BCL11B: variants seen among roughly 807,000 people sequenced by gnomAD.
BCL11B encodes the protein BCL11 transcription factor B.
Under a neutral mutation model 49.9 loss-of-function variants are expected in BCL11B, and 8 were observed. The observed-to-expected ratio is 0.16, with a 90% confidence interval of 0.09 to 0.29. The LOEUF (loss-of-function observed/expected upper bound fraction) is 0.29, where lower values mean the gene tolerates loss of function less well. Among genes scored for constraint, BCL11B ranks in the 10% least tolerant of loss-of-function variants. The pLI is 1.00. For synonymous variants in BCL11B, 739 were observed against 637.4 expected (o/e 1.16, Z -2.40); for missense variants, 1,006 against 1,351.0 (o/e 0.74, Z 4.00).
At position 99,173,719 on chromosome 14, in the gene BCL11B, A is replaced by ACCAC. The variant is rs987687617; in HGVS notation, c.*428_*431dup. 1 of 234,768 alleles carries ACCAC rather than the reference A, an allele frequency of 4.3e-6. No individual in the cohort carries two copies. Among genetic ancestry groups the ACCAC allele is most frequent in the African/African-American group, 2.2e-5 (1 of 45,052 alleles). The allele number at this position is 234,768 out of a possible 1,614,324, so 14.5% of individuals were successfully genotyped here. A position where few individuals can be genotyped will look rare whatever the true frequency, so the allele number is the denominator to read the frequency against. On this transcript the variant is annotated 3_prime_UTR_variant, in exon 4 of 4. Transcript: ENST00000357195. ...TTAGCTTAAATTTCAAAAAAGCAGC[A>ACCAC]CCACCCCTCCCCCCAAATTATAATT... is the stretch of plus-strand genomic sequence containing the variant.
At chr14:99,215,380 T>C (rs1381066087) in intron 3 of BCL11B, among the ~76,000 whole-genome samples, 1 of 152,252 alleles carries the variant, frequency 6.6e-6, no homozygotes, top group African/African-American at 2.4e-5. Flanking sequence ...CCGCGGCCCC[T>C]GCCAAAGAAA....
rs1416438177 is a variant in BCL11B at position 99,175,246 on chromosome 14, C to T, written c.1590G>A (p.Pro530=). The T allele has an allele frequency of 9.7e-6, 15 of 1,546,226 alleles. No homozygotes were observed. The highest frequency in any genetic ancestry group is 2.4e-5 in the East Asian group (1 of 41,150). Residue 530 remains proline (P), a synonymous_variant, in exon 4 of 4, where the codon CCG becomes CCA. Transcript: ENST00000357195. ...CCTCCTCCTCCTCGTCCTCCTCCTC[C>T]GGCTCGTGGCCCAGCGACGGGTCGC... ...HESDPSLGHE[P]EEEDEEEEEE...
intron 3 of BCL11B, among the ~76,000 whole-genome samples, chr14:99,214,022 G>A (rs1391566340): frequency 6.6e-6 from 1 of 152,162 alleles, no homozygotes; most frequent in Non-Finnish European, 1.5e-5. Flanking sequence ...GGGCTCAAGT[G>A]TCAGAACAAC....
At chr14:99,217,145 T>C (rs1483435857) in intron 3 of BCL11B, among the ~76,000 whole-genome samples, 4 of 152,122 alleles carry the variant, frequency 2.6e-5, no homozygotes, top group African/African-American at 9.7e-5. Context: ...CAAATACGTA[T>C]GTATATGCAC....
At chr14:99,215,374 G>T (rs542306130) in intron 3 of BCL11B, among the ~76,000 whole-genome samples, 2 of 152,162 alleles carry the variant, frequency 1.3e-5, no homozygotes, top group Non-Finnish European at 2.9e-5. Flanking sequence ...TTGTGGCCGC[G>T]GCCCCTGCCA....
Position 99,262,375 on chromosome 14 carries a change from C to A in BCL11B, c.59-4536G>T, listed in dbSNP as rs1359396837. Among the ~76,000 whole-genome samples the A allele has an allele frequency of 1.3e-5, 2 of 152,242 alleles. No homozygotes were observed. The highest frequency in any genetic ancestry group is 6.5e-5 in the Admixed American group (1 of 15,284). On this transcript the variant is annotated intron_variant, in intron 1 of 3. Transcript: ENST00000357195. This position sits in a 1 kb window ranked among gnomAD's most constrained non-coding sequence, Gnocchi z 4.2. ...TGCTACATACACAGTACGTGGGCTG[C>A]TGCTCCTCCTTACCCTGCATTAATT...
At position 99,234,880 on chromosome 14, in the gene BCL11B, A is replaced by AAAAAAAG. The variant is rs143975117; in HGVS notation, c.428-3324_428-3323insCTTTTTT. On this transcript the variant is annotated intron_variant, in intron 2 of 3. Transcript: ENST00000357195. ...CAAAAAAAAAAAAAAAAAAAAAAAAAGTCTAAAAATAAGGCCCCTAAAATG... is the reference window on the plus strand; with the variant it reads ...CAAAAAAAAAAAAAAAAAAAAAAAAAAAAAAAGGTCTAAAAATAAGGCCCCTAAAATG... Among the ~76,000 whole-genome samples the AAAAAAAG allele has an allele frequency of 2.8e-4, 34 of 119,918 alleles. 1 individual carries two copies. Among genetic ancestry groups the AAAAAAAG allele is most frequent in the Non-Finnish European group, 4.6e-4 (27 of 59,026 alleles). 78.7% of individuals were successfully genotyped at this position (119,918 alleles called of 152,430 possible).
At chr14:99,235,369 C>A (rs932878801) in intron 2 of BCL11B, among the ~76,000 whole-genome samples, 4 of 152,146 alleles carry the variant, frequency 2.6e-5, no homozygotes, top group Admixed American at 2.6e-4. Flanking sequence ...GGAGGCAGCG[C>A]GTGTGAGTGA....
At chr14:99,222,738 A>T (rs1888046688) in intron 3 of BCL11B, among the ~76,000 whole-genome samples, 1 of 152,008 alleles carries the variant, frequency 6.6e-6, no homozygotes, top group East Asian at 1.9e-4. Context: ...GCCCACAGTG[A>T]CTGGACCCTC....
chr14:99,179,857 C>T (rs1020040021), intron 3 of BCL11B, among the ~76,000 whole-genome samples: 9 of 152,150 alleles, frequency 5.9e-5, no homozygotes, highest in Non-Finnish European at 1.0e-4. Context: ...TTATCTCTTG[C>T]CCGGAAGTAG....
Position 99,271,837 on chromosome 14 carries a change from A to G in BCL11B, c.-619T>C, listed in dbSNP as rs1332252961. Among the ~76,000 whole-genome samples the G allele has an allele frequency of 1.3e-5, 2 of 151,946 alleles. No homozygotes were observed. The highest frequency in any genetic ancestry group is 2.9e-5 in the Non-Finnish European group (2 of 67,996). ...CGTACCCCCTCACCCCGCCCCCTCA[A>G]AAAACCCAAAGCAATGTAAAACTGC... is the stretch of plus-strand genomic sequence containing the variant. On this transcript the variant is annotated 5_prime_UTR_variant, in exon 1 of 4. Coordinates refer to ENST00000357195, the MANE Select transcript of BCL11B (RefSeq NM_138576.4).
chr14:99,227,174 T>C (rs1184203810), intron 3 of BCL11B, among the ~76,000 whole-genome samples: 3 of 152,192 alleles, frequency 2.0e-5, no homozygotes, highest in Non-Finnish European at 4.4e-5. Flanking sequence ...AAAGGCTAAA[T>C]ACTTTTAAGA....
At chr14:99,187,687 C>T (rs1320185664) in intron 3 of BCL11B, among the ~76,000 whole-genome samples, 3 of 148,754 alleles carry the variant, frequency 2.0e-5, no homozygotes, top group Admixed American at 6.7e-5. Context: ...GGCCAGGAGT[C>T]GGCTGCAGGT....
intron 3 of BCL11B, among the ~76,000 whole-genome samples, chr14:99,186,782 A>C (rs1595226904): frequency 6.6e-6 from 1 of 152,364 alleles, no homozygotes; most frequent in South Asian, 2.1e-4. Flanking sequence ...ACTCAAGTCA[A>C]GAACTGTTCA....
intron 2 of BCL11B, among the ~76,000 whole-genome samples, chr14:99,246,141 C>A (rs1353632863): frequency 1.3e-5 from 2 of 152,208 alleles, no homozygotes; most frequent in Admixed American, 6.5e-5. Flanking sequence ...GACTCGCCCA[C>A]CCCCCGCCTT....
intron 2 of BCL11B, among the ~76,000 whole-genome samples, chr14:99,256,766 GT>G (rs1428306300): frequency 2.6e-5 from 4 of 152,138 alleles, no homozygotes; most frequent in Admixed American, 6.5e-5. Flanking sequence ...TGTCCCAGTG[GT>G]CAAATGAGTG....
chr14:99,261,703 T>C (rs956028804), intron 1 of BCL11B, among the ~76,000 whole-genome samples: 17 of 152,204 alleles, frequency 1.1e-4, no homozygotes, highest in Non-Finnish European at 2.1e-4. Context: ...CTGCAGAATA[T>C]TGCTGCTCTC....
At chr14:99,183,815 C>T (rs551242968) in intron 3 of BCL11B, among the ~76,000 whole-genome samples, 144 of 152,090 alleles carry the variant, frequency 9.5e-4, no homozygotes, top group African/African-American at 3.1e-3. Flanking sequence ...CCACAGTCCA[C>T]ATGCCGCCCT....
At chr14:99,176,800 G>C (rs1595217957) in intron 3 of BCL11B, among the ~76,000 whole-genome samples, 2 of 152,160 alleles carry the variant, frequency 1.3e-5, no homozygotes, top group African/African-American at 4.8e-5. Flanking sequence ...TCCAGGCCTT[G>C]CCGAATCTTC....
Sources: gnomAD v4.1 joint callset for allele counts (sites outside exome capture counted in the v4.1 genomes callset) on GRCh38, gnomAD v4.1.1 for gene constraint, Gnocchi (gnomAD v3.1) non-coding constraint, MANE v1.5 for transcripts, NCBI Gene and HGNC (gene_info 2026-07-23, HGNC 2026-07-21) for gene names.